The following DLC1 variants were observed in gnomAD, a reference collection of about 807,000 sequenced individuals.
The protein encoded by DLC1 is rho GTPase-activating protein 7.
DLC1 carries 54 observed loss-of-function variants against 140.3 expected under a neutral mutation model. The ratio of observed to expected loss-of-function variants is 0.38; its 90% confidence interval spans 0.31 to 0.48. DLC1 has a LOEUF of 0.48. DLC1 is among the 20% of genes least tolerant of loss of function. The pLI, the probability that DLC1 is intolerant of heterozygous loss-of-function variation, is 0.96. For missense variants in DLC1, 2,536 were observed against 1,907.0 expected, an observed-to-expected ratio of 1.33 and a Z score of -6.14; for synonymous variants, 986 against 728.1, an observed-to-expected ratio of 1.35 and a Z score of -5.70.
intron 4 of DLC1, among the ~76,000 whole-genome samples, chr8:13,313,572 G>A (rs1832761666): frequency 6.6e-6 from 1 of 152,110 alleles, no homozygotes. Flanking sequence ...ACAGCTCCAT[G>A]ATTGTGAACT....
chr8:13,193,966 C>T (rs1477030627), intron 5 of DLC1, among the ~76,000 whole-genome samples: 3 of 152,076 alleles, frequency 2.0e-5, no homozygotes, highest in South Asian at 2.1e-4. Flanking sequence ...AACTGTGCTT[C>T]TTTATTAGCA....
At chr8:13,176,613 T>G (rs1271901229) in intron 5 of DLC1, among the ~76,000 whole-genome samples, 1 of 152,052 alleles carries the variant, frequency 6.6e-6, no homozygotes, top group South Asian at 2.1e-4. Flanking sequence ...CTCTTTTTGA[T>G]TAAAAAAAGG....
At chr8:13,381,653 C>G (rs1324191519) in intron 4 of DLC1, among the ~76,000 whole-genome samples, 2 of 152,148 alleles carry the variant, frequency 1.3e-5, no homozygotes, top group East Asian at 3.8e-4. Context: ...CAGTTTGTAA[C>G]CACATGAGTA....
chr8:13,133,390 G>C, intron 5 of DLC1: 1 of 849,360 alleles, frequency 1.2e-6, no homozygotes, highest in Non-Finnish European at 1.5e-6. Context: ...TGTCTGGGTC[G>C]CAGGCCTTAG....
At chr8:13,382,240 G>A (rs958136528) in intron 4 of DLC1, among the ~76,000 whole-genome samples, 2 of 152,030 alleles carry the variant, frequency 1.3e-5, no homozygotes, top group Non-Finnish European at 2.9e-5. Context: ...GGGCGCGGTG[G>A]CTCACGCCTG....
In DLC1 at chr8:13,499,290, G is replaced by T. The variant is rs774528738; in HGVS notation, c.782C>A (p.Pro261His). 2 of 1,614,082 alleles carry T rather than the reference G, an allele frequency of 1.2e-6. No homozygotes were observed. Among genetic ancestry groups the T allele is most frequent in the Non-Finnish European group, 1.7e-6 (2 of 1,180,006 alleles). Residue 261 changes from proline to histidine, a missense_variant, in exon 2 of 18, where the codon CCT (proline) becomes CAT (histidine). Coordinates refer to ENST00000276297, the MANE Select transcript of DLC1 (RefSeq NM_182643.3). The stretch of plus-strand genomic sequence containing the variant: ...TAATGGCAGTCCTCTGTTTGTGCAA[G>T]GAGTATCCAAGAACTCATTTTGTAC... ...NVVQNEFLDTPCTNRGLPLLK... is the reference protein window; with the variant it reads ...NVVQNEFLDTHCTNRGLPLLK...
intron 5 of DLC1, among the ~76,000 whole-genome samples, chr8:13,176,394 C>G (rs529397143): frequency 2.6e-5 from 4 of 152,066 alleles, no homozygotes; most frequent in Non-Finnish European, 4.4e-5. Flanking sequence ...CTGGCTAACA[C>G]CGTGAAACCC....
chr8:13,176,019 G>C (rs1825741759), intron 5 of DLC1, among the ~76,000 whole-genome samples: 1 of 151,862 alleles, frequency 6.6e-6, no homozygotes, highest in Non-Finnish European at 1.5e-5. Flanking sequence ...CTACTTTTTG[G>C]CCACAAATTT....
intron 11 of DLC1, 29 bp downstream of exon 11, chr8:13,095,057 G>A: frequency 1.9e-6 from 3 of 1,613,892 alleles, no homozygotes; most frequent in Non-Finnish European, 2.5e-6. Context: ...GCTCCCCTGA[G>A]TACGTGGACC....
chr8:13,124,267 G>C (rs1271323061), intron 5 of DLC1, among the ~76,000 whole-genome samples: 1 of 152,136 alleles, frequency 6.6e-6, no homozygotes, highest in East Asian at 1.9e-4. Context: ...GGGTCTGCCT[G>C]GGCCCAGTCT....
At chr8:13,435,091 C>G (rs930278164) in intron 2 of DLC1, among the ~76,000 whole-genome samples, 3 of 152,160 alleles carry the variant, frequency 2.0e-5, no homozygotes, top group African/African-American at 7.2e-5. Context: ...AAAGAATTCA[C>G]TATTCTAGAT....
intron 1 of DLC1, chr8:13,567,976 A>T: frequency 6.7e-7 from 1 of 1,495,082 alleles, no homozygotes; most frequent in Non-Finnish European, 8.9e-7. Context: ...TTTGTTGTGT[A>T]TTTGAGTAAT....
At chr8:13,320,754 C>T (rs1196058672) in intron 4 of DLC1, among the ~76,000 whole-genome samples, 2 of 152,128 alleles carry the variant, frequency 1.3e-5, no homozygotes, top group Non-Finnish European at 2.9e-5. Flanking sequence ...GTGACACAGG[C>T]CTATAATTCC....
intron 4 of DLC1, among the ~76,000 whole-genome samples, chr8:13,388,243 T>C (rs1015830778): frequency 4.6e-5 from 7 of 152,028 alleles, no homozygotes; most frequent in Admixed American, 4.6e-4. Context: ...ATTATAATTT[T>C]TATTTTTAAG....
At chr8:13,328,358 A>G (rs905072302) in intron 4 of DLC1, among the ~76,000 whole-genome samples, 2 of 152,098 alleles carry the variant, frequency 1.3e-5, no homozygotes, top group African/African-American at 4.8e-5. Flanking sequence ...CCTCAGTTAT[A>G]TTTTGGAGAG....
chr8:13,523,698 T>G (rs1022775545), intron 1 of DLC1, among the ~76,000 whole-genome samples: 2 of 152,040 alleles, frequency 1.3e-5, no homozygotes, highest in African/African-American at 4.8e-5. Flanking sequence ...CAAAGAATGA[T>G]ATGGAAAAAA....
intron 2 of DLC1, among the ~76,000 whole-genome samples, chr8:13,433,065 A>G (rs1248582821): frequency 6.6e-6 from 1 of 151,698 alleles, no homozygotes; most frequent in African/African-American, 2.4e-5. Context: ...TTTGGAAAGA[A>G]CGATGGAGTA....
intron 5 of DLC1, among the ~76,000 whole-genome samples, chr8:13,275,740 C>G (rs140057114): frequency 0.017 from 2,561 of 152,298 alleles, 21 homozygotes; most frequent in South Asian, 0.037. Flanking sequence ...CGTCTTGGAA[C>G]CGAGAGTAGC....
At chr8:13,265,519 C>T (rs1044494799) in intron 5 of DLC1, among the ~76,000 whole-genome samples, 6 of 152,154 alleles carry the variant, frequency 3.9e-5, no homozygotes, top group Admixed American at 2.0e-4. Context: ...ACTGGCCTCA[C>T]AAGAATGAGA....
Sources: gnomAD v4.1 joint callset for allele counts (sites outside exome capture counted in the v4.1 genomes callset) on GRCh38, gnomAD v4.1.1 for gene constraint, MANE v1.5 for transcripts, NCBI Gene and HGNC (gene_info 2026-07-23, HGNC 2026-07-21) for gene names.